Variants in MYO5B observed in about 807,000 individuals in gnomAD.
The protein encoded by MYO5B is unconventional myosin-Vb.
In MYO5B, 143 loss-of-function variants were observed where a neutral mutation model predicts 229.3. The observed-to-expected ratio is 0.62, with a 90% CI of 0.54 to 0.72. The LOEUF (loss-of-function observed/expected upper bound fraction) is 0.72. Ranked by LOEUF, MYO5B falls within the 30% of genes least tolerant of loss-of-function variation. The pLI is 0.00. For missense variants in MYO5B, 2,321 were observed against 2,331.0 expected (o/e 1.00, Z 0.09); for synonymous variants, 918 against 885.2 (o/e 1.04, Z -0.66).
At chr18:49,893,131 A>G (rs1011324773) in intron 22 of MYO5B, among the ~76,000 whole-genome samples, 3 of 152,138 alleles carry the variant, frequency 2.0e-5, no homozygotes, top group African/African-American at 2.4e-5. Flanking sequence ...GAAGTCCCCA[A>G]GTTGTAGCAT....
intron 16 of MYO5B, 119 bp downstream of exon 16, chr18:49,936,133 G>GT: frequency 1.2e-6 from 1 of 814,642 alleles, no homozygotes. Flanking sequence ...TCTGGGGAGT[G>GT]TAAGTCCAGG....
chr18:50,085,194 C>T (rs1362964792), intron 1 of MYO5B, among the ~76,000 whole-genome samples: 1 of 152,186 alleles, frequency 6.6e-6, no homozygotes, highest in Non-Finnish European at 1.5e-5. Flanking sequence ...CCAGAATCTA[C>T]AATGAACTCT....
intron 29 of MYO5B, among the ~76,000 whole-genome samples, chr18:49,860,298 T>C (rs144833412): frequency 1.3e-5 from 2 of 152,240 alleles, no homozygotes; most frequent in African/African-American, 2.4e-5. Flanking sequence ...CAGTGGCAAC[T>C]TGTGCCCTCC....
At chr18:49,936,470 G>C in intron 15 of MYO5B, 121 bp from the exon 16 acceptor site, 1 of 810,242 alleles carries the variant, frequency 1.2e-6, no homozygotes, top group South Asian at 1.5e-5. Flanking sequence ...CCAGAAGGAT[G>C]GAAGAAATTT....
chr18:49,939,139 CT>C (rs200099934), intron 14 of MYO5B, among the ~76,000 whole-genome samples: 1,373 of 130,556 alleles, frequency 0.011, 40 homozygotes, highest in Middle Eastern at 0.02. Flanking sequence ...AACACTCTTT[CT>C]TTTTTTTCTT....
chr18:49,969,020 T>C (rs1568052309), intron 10 of MYO5B, among the ~76,000 whole-genome samples: 1 of 152,144 alleles, frequency 6.6e-6, no homozygotes, highest in Non-Finnish European at 1.5e-5. Flanking sequence ...TCTTGAGCTA[T>C]GAGGCTTTCC....
intron 4 of MYO5B, among the ~76,000 whole-genome samples, chr18:50,003,547 C>T (rs1171621803): frequency 1.3e-5 from 2 of 152,154 alleles, no homozygotes; most frequent in African/African-American, 2.4e-5. Flanking sequence ...CACCTCTAAT[C>T]CTAATATCTT....
chr18:49,843,561 C>T (rs549671806), intron 33 of MYO5B, among the ~76,000 whole-genome samples, 169 bp from the exon 34 acceptor site: 10 of 152,292 alleles, frequency 6.6e-5, no homozygotes, highest in African/African-American at 1.2e-4. Flanking sequence ...CCCAAACTCC[C>T]GAGCATGCCT....
intron 21 of MYO5B, among the ~76,000 whole-genome samples, chr18:49,902,382 A>G (rs1336639792): frequency 6.6e-6 from 1 of 152,210 alleles, no homozygotes; most frequent in East Asian, 1.9e-4. Flanking sequence ...CCCTTTTGCC[A>G]TATAAGGTAA....
At chr18:50,017,862 A>G (rs1314796305) in intron 4 of MYO5B, among the ~76,000 whole-genome samples, 1 of 152,148 alleles carries the variant, frequency 6.6e-6, no homozygotes, top group East Asian at 1.9e-4. Context: ...AACGTTCTTC[A>G]CTCCCAGAAA....
chr18:50,162,263 C>T (rs2032777864), intron 1 of MYO5B, among the ~76,000 whole-genome samples: 1 of 152,212 alleles, frequency 6.6e-6, no homozygotes, highest in South Asian at 2.1e-4. Flanking sequence ...AGGAAAGTAG[C>T]CTTCAGAATC....
intron 1 of MYO5B, among the ~76,000 whole-genome samples, chr18:50,191,313 A>C (rs886190056): frequency 2.0e-5 from 3 of 152,244 alleles, no homozygotes; most frequent in Non-Finnish European, 4.4e-5. Context: ...GAAACCCATT[A>C]ACAGAGCAAG....
chr18:50,039,820 G>C (rs148056299), intron 3 of MYO5B, among the ~76,000 whole-genome samples: 2 of 152,050 alleles, frequency 1.3e-5, no homozygotes, highest in African/African-American at 4.8e-5. Context: ...CAAGGGTTCG[G>C]TGCTGAGAGC....
intron 10 of MYO5B, among the ~76,000 whole-genome samples, chr18:49,968,269 G>A (rs1224425529): frequency 6.6e-6 from 1 of 152,236 alleles, no homozygotes; most frequent in Non-Finnish European, 1.5e-5. Context: ...ACAAGATGCA[G>A]ATGAGCTGGG....
intron 1 of MYO5B, among the ~76,000 whole-genome samples, chr18:50,183,335 A>ATATATATATATATC (rs1555667480): frequency 7.2e-6 from 1 of 138,626 alleles, no homozygotes; most frequent in African/African-American, 2.8e-5. Flanking sequence ...ATATATATAT[A>ATATATATATATATC]TATCTCCTTC....
At chr18:49,833,347 A>G (rs987209232) in intron 39 of MYO5B, among the ~76,000 whole-genome samples, 4 of 152,196 alleles carry the variant, frequency 2.6e-5, no homozygotes, top group African/African-American at 9.6e-5. Flanking sequence ...ACTTGTCTTT[A>G]TCACACATGT....
chr18:50,051,383 G>A (rs1301537082), intron 2 of MYO5B, among the ~76,000 whole-genome samples: 1 of 152,100 alleles, frequency 6.6e-6, no homozygotes, highest in Non-Finnish European at 1.5e-5. Flanking sequence ...TCATCATCAA[G>A]GTGGGTGATA....
At chr18:50,072,873 C>T (rs1568095605) in intron 1 of MYO5B, among the ~76,000 whole-genome samples, 1 of 151,822 alleles carries the variant, frequency 6.6e-6, no homozygotes, top group East Asian at 1.9e-4. Context: ...GCCTGCAAGA[C>T]CAGAAGCAGG....
chr18:49,957,064 G>C (rs2025500489), intron 12 of MYO5B, among the ~76,000 whole-genome samples: 1 of 142,638 alleles, frequency 7.0e-6, no homozygotes, highest in South Asian at 2.3e-4. Context: ...GAATTGTATG[G>C]TATGTCAATT....
Sources: gnomAD v4.1 joint callset for allele counts (sites outside exome capture counted in the v4.1 genomes callset) on GRCh38, gnomAD v4.1.1 for gene constraint, MANE v1.5 for transcripts, NCBI Gene and HGNC (gene_info 2026-07-23, HGNC 2026-07-21) for gene names.